Variants in CDYL2 observed in about 807,000 individuals in gnomAD.
The protein encoded by CDYL2 is chromodomain Y like 2.
CDYL2 carries 23 observed loss-of-function variants against 49.4 expected under a neutral mutation model. The ratio of observed to expected loss-of-function variants is 0.47; its 90% CI spans 0.34 to 0.66. The LOEUF is 0.66. Among genes scored for constraint, CDYL2 ranks in the 30% least tolerant of loss-of-function variants. The pLI is 0.01. For missense variants in CDYL2, 678 were observed against 656.4 expected, an observed-to-expected ratio of 1.03 and a Z score of -0.36; for synonymous variants, 360 against 268.8, an observed-to-expected ratio of 1.34 and a Z score of -3.32.
At chr16:80,759,120 A>ATATATATATATATATATATGTTT (rs1906430699) in intron 1 of CDYL2, among the ~76,000 whole-genome samples, 1 of 122,700 alleles carries the variant, frequency 8.1e-6, no homozygotes, top group African/African-American at 3.5e-5. Context: ...ATATATATAT[A>ATATATATATATATATATATGTTT]TATATATATA....
intron 2 of CDYL2, among the ~76,000 whole-genome samples, chr16:80,645,407 G>A (rs1479491327): frequency 6.6e-6 from 1 of 152,188 alleles, no homozygotes; most frequent in African/African-American, 2.4e-5. Flanking sequence ...CTGGCCATCA[G>A]AGAAATGCAA....
At chr16:80,635,643 G>T (rs772959943) in intron 2 of CDYL2, among the ~76,000 whole-genome samples, 1 of 152,174 alleles carries the variant, frequency 6.6e-6, no homozygotes, top group South Asian at 2.1e-4. Context: ...ACTGCTCAAA[G>T]TAATTTAAAG....
At chr16:80,707,826 T>C (rs1236216714) in intron 1 of CDYL2, among the ~76,000 whole-genome samples, 1 of 152,222 alleles carries the variant, frequency 6.6e-6, no homozygotes, top group Admixed American at 6.5e-5. Context: ...GTGCTTCAAG[T>C]GGCCTGTAAT....
chr16:80,669,922 C>A lies in CDYL2; in HGVS notation c.616+14616G>T, dbSNP rs142689622. The stretch of plus-strand genomic sequence containing the variant: ...ACGACCCTGCCCAGCCAGACACATG[C>A]TCTGAGGAGCTGACTCGGTCCTGTG... On this transcript the variant is annotated intron_variant, in intron 2 of 6. Coordinates refer to ENST00000570137, the MANE Select transcript of CDYL2 (RefSeq NM_152342.4). 4.1e-3 allele frequency among the ~76,000 whole-genome samples: 622 copies of A among 152,336 alleles called. 3 individuals are homozygous for A. Among genetic ancestry groups the A allele is most frequent in the African/African-American group, 0.014 (597 of 41,570 alleles).
chr16:80,712,191 G>GTGTGTGTATATATATATATA (rs1555532109), intron 1 of CDYL2, among the ~76,000 whole-genome samples: 4 of 107,934 alleles, frequency 3.7e-5, no homozygotes, highest in Non-Finnish European at 8.5e-5. Context: ...GTCTGTGTGT[G>GTGTGTGTATATATATATATA]TATATATATA....
At chr16:80,689,785 G>C (rs774412009) in intron 1 of CDYL2, among the ~76,000 whole-genome samples, 1 of 152,160 alleles carries the variant, frequency 6.6e-6, no homozygotes, top group African/African-American at 2.4e-5. Context: ...AGAAACACAG[G>C]CCTTAAAAGG....
intron 1 of CDYL2, among the ~76,000 whole-genome samples, chr16:80,795,205 A>G (rs73583944): frequency 0.12 from 17,878 of 152,134 alleles, 2,227 homozygotes; most frequent in African/African-American, 0.31. Context: ...AGGAATCTGT[A>G]GTATGGCAAT....
chr16:80,729,694 G>C (rs1050096101), intron 1 of CDYL2, among the ~76,000 whole-genome samples: 24 of 152,162 alleles, frequency 1.6e-4, no homozygotes, highest in African/African-American at 3.9e-4. Context: ...TGACCACATA[G>C]TTGGAAGTAA....
chr16:80,737,883 T>C (rs1438811783), intron 1 of CDYL2, among the ~76,000 whole-genome samples: 1 of 152,142 alleles, frequency 6.6e-6, no homozygotes, highest in Non-Finnish European at 1.5e-5. Flanking sequence ...TGTTGTTGTT[T>C]TATACTTTAA....
At chr16:80,644,089 A>G (rs11861803) in intron 2 of CDYL2, among the ~76,000 whole-genome samples, 68,612 of 152,146 alleles carry the variant, frequency 0.45, 16,339 homozygotes, top group East Asian at 0.6. Flanking sequence ...TCACCTCTTG[A>G]ATGCTTTGCT....
At chr16:80,679,809 G>A (rs375229115) in intron 2 of CDYL2, 3 of 455,742 alleles carry the variant, frequency 6.6e-6, no homozygotes, top group East Asian at 7.0e-5. Flanking sequence ...CAGTAGTTCT[G>A]AAACTGGGCT....
intron 2 of CDYL2, among the ~76,000 whole-genome samples, chr16:80,644,849 T>TGGCTCACACCTGTAATCCCAG (rs1597145355): frequency 6.6e-6 from 1 of 152,060 alleles, no homozygotes; most frequent in East Asian, 1.9e-4. Context: ...TCTACAACCA[T>TGGCTCACACCTGTAATCCCAG]CTGATCTTTG....
At chr16:80,614,018 T>C (rs1392351088) in intron 4 of CDYL2, among the ~76,000 whole-genome samples, 1 of 152,168 alleles carries the variant, frequency 6.6e-6, no homozygotes, top group Non-Finnish European at 1.5e-5. Context: ...CCCTAACTAT[T>C]TGCTTGTTTT....
chr16:80,644,072 AC>A (rs747986965), intron 2 of CDYL2, among the ~76,000 whole-genome samples: 11 of 152,212 alleles, frequency 7.2e-5, no homozygotes, highest in Non-Finnish European at 1.3e-4. Flanking sequence ...TTTTAACAGC[AC>A]CCAAGTCACC....
At chr16:80,651,207 T>A (rs1181262488) in intron 2 of CDYL2, among the ~76,000 whole-genome samples, 1 of 152,122 alleles carries the variant, frequency 6.6e-6, no homozygotes, top group Non-Finnish European at 1.5e-5. Flanking sequence ...TATCAAAACA[T>A]CCCATGTACC....
intron 2 of CDYL2, among the ~76,000 whole-genome samples, chr16:80,657,932 G>A (rs1003839562): frequency 2.0e-4 from 31 of 151,934 alleles, no homozygotes; most frequent in Non-Finnish European, 3.1e-4. Context: ...AATAAACTAC[G>A]ATGCACCCAC....
At chr16:80,765,200 C>G (rs1338470451) in intron 1 of CDYL2, among the ~76,000 whole-genome samples, 3 of 145,308 alleles carry the variant, frequency 2.1e-5, no homozygotes, top group Admixed American at 6.9e-5. Context: ...TGGTTATATA[C>G]CAAAAAAGCT....
rs1905925821 is a variant in CDYL2, at chr16:80,598,286, T to C, written c.*6102A>G. The C allele has an allele frequency of 1.3e-5, 2 of 151,278 alleles. No homozygotes were observed. The highest frequency in any genetic ancestry group is 4.2e-4 in the South Asian group (2 of 4,754). 9.4% of individuals were successfully genotyped at this position (151,278 alleles called of 1,614,324 possible). The stretch of plus-strand genomic sequence containing the variant: ...GGTCTCGGTGGATTTTGGTGTATGC[T>C]ACATCCATGATCAAATCCAAACACT... On this transcript the variant is annotated 3_prime_UTR_variant, in exon 7 of 7. Transcript: ENST00000570137.
rs2142537518 is a variant in CDYL2 at position 80,729,862 on chromosome 16, A to C, written c.25-44733T>G. On this transcript the variant is annotated intron_variant, in intron 1 of 6. Transcript: ENST00000570137. Reference sequence around the variant, plus strand: ...GCTCCTAAATGACTACTGGGTGCATAACGAAATGAAGGCAGAAATAAAGAT... The same window carrying C: ...GCTCCTAAATGACTACTGGGTGCATCACGAAATGAAGGCAGAAATAAAGAT... Among the ~76,000 whole-genome samples the C allele has an allele frequency of 2.0e-5, 3 of 152,338 alleles. No homozygotes were observed. The East Asian group carries it at 5.8e-4, about 29-fold the overall frequency.
Sources: gnomAD v4.1 joint callset for allele counts (sites outside exome capture counted in the v4.1 genomes callset) on GRCh38, gnomAD v4.1.1 for gene constraint, MANE v1.5 for transcripts, NCBI Gene and HGNC (gene_info 2026-07-23, HGNC 2026-07-21) for gene names.